Variants in VRK2 observed in about 807,000 individuals in gnomAD.
VRK2 encodes serine/threonine-protein kinase VRK2.
In VRK2, 60 loss-of-function variants were observed where a neutral mutation model predicts 57.6. The ratio of observed to expected loss-of-function variants is 1.04; its 90% confidence interval spans 0.85 to 1.29. The LOEUF is 1.29. Ranked by LOEUF, VRK2 falls within the 50% of genes most tolerant of loss-of-function variation. The pLI, the probability that VRK2 is intolerant of heterozygous loss-of-function variation, is 0.00. For missense variants in VRK2, 705 were observed against 588.1 expected (o/e 1.20, Z -2.06); for synonymous variants, 231 against 199.2 (o/e 1.16, Z -1.35).
chr2:57,954,482 T>A (rs1185287942), intron 1 of VRK2, among the ~76,000 whole-genome samples: 1 of 152,152 alleles, frequency 6.6e-6, no homozygotes, highest in African/African-American at 2.4e-5. Context: ...ACCAGTCTAA[T>A]GTTTTCTTTT....
intron 1 of VRK2, among the ~76,000 whole-genome samples, chr2:57,994,508 G>A (rs1375368761): frequency 6.6e-6 from 1 of 152,062 alleles, no homozygotes; most frequent in Non-Finnish European, 1.5e-5. Flanking sequence ...CTGATCCACT[G>A]GAATGAATAA....
At chr2:57,936,105 T>A (rs1175985014) in intron 1 of VRK2, among the ~76,000 whole-genome samples, 1 of 152,182 alleles carries the variant, frequency 6.6e-6, no homozygotes, top group African/African-American at 2.4e-5. Flanking sequence ...CAGTACCTCA[T>A]CAAATATTTA....
intron 2 of VRK2, among the ~76,000 whole-genome samples, chr2:58,028,855 T>C (rs1232638651): frequency 2.1e-5 from 3 of 143,764 alleles, no homozygotes; most frequent in African/African-American, 7.8e-5. Flanking sequence ...CTGCACATTG[T>C]GCACATGTAC....
chr2:58,020,440 A>G (rs1278174269), intron 1 of VRK2, among the ~76,000 whole-genome samples: 3 of 152,248 alleles, frequency 2.0e-5, no homozygotes, highest in African/African-American at 7.2e-5. Flanking sequence ...CCTGGCCTCA[A>G]GCAGTCTTCC....
In VRK2 at chr2:58,088,330, T is replaced by C; in HGVS notation, c.345-11T>C. 6.4e-7 allele frequency: 1 copy of C among 1,571,472 alleles called. No individual in the cohort carries two copies. The highest frequency in any genetic ancestry group is 1.2e-5 in the South Asian group (1 of 86,448). Reference sequence around the variant, plus strand: ...TCAGGATGATCTCTTTTTGATGCTTTTTTCTTACAGTTACAGATTTATGGT... The same window carrying C: ...TCAGGATGATCTCTTTTTGATGCTTCTTTCTTACAGTTACAGATTTATGGT... On this transcript the variant is annotated splice_polypyrimidine_tract_variant and intron_variant, in intron 5 of 12. Transcript: ENST00000340157.
Position 58,078,925 on chromosome 2 carries a change from C to T in VRK2, c.137-5164C>T, listed in dbSNP as rs545769241. Among the ~76,000 whole-genome samples the T allele has an allele frequency of 5.9e-5, 9 of 152,256 alleles. No homozygotes were observed. In the East Asian group the frequency reaches 7.7e-4, roughly 13 times the overall value. On this transcript the variant is annotated intron_variant, in intron 2 of 12. Transcript: ENST00000340157. ...CTGGGCTCAGGCAGTCTGCCTGCCTCGGCCTCCCAAGTGCTTGGATTACAG... is the reference window on the plus strand; with the variant it reads ...CTGGGCTCAGGCAGTCTGCCTGCCTTGGCCTCCCAAGTGCTTGGATTACAG...
chr2:58,073,257 A>T (rs1266595295), intron 2 of VRK2, among the ~76,000 whole-genome samples: 2 of 151,986 alleles, frequency 1.3e-5, no homozygotes, highest in Non-Finnish European at 2.9e-5. Flanking sequence ...ATACTATGTG[A>T]GCTTGATAAG....
At chr2:58,011,599 T>C (rs1263373103) in intron 1 of VRK2, among the ~76,000 whole-genome samples, 1 of 152,194 alleles carries the variant, frequency 6.6e-6, no homozygotes, top group Non-Finnish European at 1.5e-5. Context: ...TTCCTAATAA[T>C]AGTGCTTAAA....
intron 8 of VRK2, among the ~76,000 whole-genome samples, chr2:58,125,078 TAACTG>T (rs1260554184): frequency 1.3e-5 from 2 of 152,290 alleles, no homozygotes; most frequent in East Asian, 3.9e-4. Flanking sequence ...GATAATGGTA[TAACTG>T]GAAATTCATC....
At chr2:58,071,589 G>A (rs1669366111) in intron 2 of VRK2, among the ~76,000 whole-genome samples, 1 of 151,948 alleles carries the variant, frequency 6.6e-6, no homozygotes, top group Admixed American at 6.6e-5. Context: ...TGTAAAGATT[G>A]ACTGCCTATT....
At chr2:58,118,764 C>T (rs572725751) in intron 7 of VRK2, among the ~76,000 whole-genome samples, 1 of 152,006 alleles carries the variant, frequency 6.6e-6, no homozygotes, top group Non-Finnish European at 1.5e-5. Flanking sequence ...CTGTTTATTT[C>T]ACCTGGGTGC....
chr2:58,120,764 G>A (rs1272336445), intron 7 of VRK2, among the ~76,000 whole-genome samples: 1 of 152,216 alleles, frequency 6.6e-6, no homozygotes, highest in Non-Finnish European at 1.5e-5. Flanking sequence ...TATAACCCAA[G>A]ATGGTCATTC....
At chr2:58,096,217 G>A (rs1194415569) in intron 7 of VRK2, among the ~76,000 whole-genome samples, 3 of 152,032 alleles carry the variant, frequency 2.0e-5, no homozygotes, top group African/African-American at 4.8e-5. Context: ...ATATTCGTAA[G>A]TGATATTGAT....
intron 1 of VRK2, among the ~76,000 whole-genome samples, chr2:58,024,105 C>T (rs182356662): frequency 6.6e-6 from 1 of 151,876 alleles, no homozygotes; most frequent in African/African-American, 2.4e-5. Flanking sequence ...CCTGTCTCAG[C>T]CTCCCTCCCA....
chr2:58,157,193 T>G (rs1684014656), intron 12 of VRK2, among the ~76,000 whole-genome samples: 1 of 152,208 alleles, frequency 6.6e-6, no homozygotes, highest in South Asian at 2.1e-4. Flanking sequence ...TTTATGGGTT[T>G]TCACAGCAGA....
intron 8 of VRK2, among the ~76,000 whole-genome samples, chr2:58,125,022 T>C (rs1678101387): frequency 6.6e-6 from 1 of 152,182 alleles, no homozygotes; most frequent in African/African-American, 2.4e-5. Flanking sequence ...AAATATTTTA[T>C]TCTGTTACAC....
chr2:57,917,365 T>A (rs1445362073), intron 1 of VRK2, among the ~76,000 whole-genome samples: 1 of 151,822 alleles, frequency 6.6e-6, no homozygotes, highest in African/African-American at 2.4e-5. Flanking sequence ...AGGCTATAAA[T>A]TCAGATGACC....
intron 7 of VRK2, among the ~76,000 whole-genome samples, chr2:58,102,671 C>T (rs1674163317): frequency 6.6e-6 from 1 of 151,456 alleles, no homozygotes; most frequent in African/African-American, 2.4e-5. Flanking sequence ...TTCAACACCC[C>T]ACTCACAGCA....
chr2:57,914,264 T>TA (rs1451879720), intron 1 of VRK2, among the ~76,000 whole-genome samples: 2 of 148,236 alleles, frequency 1.3e-5, no homozygotes, highest in Non-Finnish European at 3.0e-5. Context: ...TTTTTTTTTT[T>TA]ACTTAGGTTC....
Sources: gnomAD v4.1 joint callset for allele counts (sites outside exome capture counted in the v4.1 genomes callset) on GRCh38, gnomAD v4.1.1 for gene constraint, MANE v1.5 for transcripts, NCBI Gene and HGNC (gene_info 2026-07-23, HGNC 2026-07-21) for gene names.